Variants in COLGALT1 observed in about 807,000 individuals in gnomAD.
COLGALT1 encodes procollagen galactosyltransferase 1.
A neutral mutation model predicts 60.8 loss-of-function variants in COLGALT1; 43 were observed. The ratio of observed to expected loss-of-function variants is 0.71; its 90% CI spans 0.55 to 0.91. COLGALT1 has a LOEUF of 0.91. COLGALT1 is among the 40% of genes least tolerant of loss of function. The pLI is 0.00. For synonymous variants in COLGALT1, 369 were observed against 374.2 expected (o/e 0.99, Z 0.16); for missense variants, 845 against 880.0 (o/e 0.96, Z 0.50).
intron 10 of COLGALT1, 117 bp downstream of exon 10, chr19:17,579,726 G>A (rs532297516): frequency 1.1e-5 from 15 of 1,339,752 alleles, no homozygotes; most frequent in Non-Finnish European, 1.4e-5. Context: ...GCTTAGAGGC[G>A]GGGCTTGAAG....
Position 17,555,873 on chromosome 19 carries a change from G to A in COLGALT1, c.160G>A (p.Val54Met), listed in dbSNP as rs906929621. 2.9e-6 allele frequency: 4 copies of A among 1,380,176 alleles called. No homozygotes were observed. The highest frequency in any genetic ancestry group is 2.8e-6 in the Non-Finnish European group (3 of 1,063,046). The allele number at this position is 1,380,176 out of a possible 1,614,324, so 85.5% of individuals were successfully genotyped here. Residue 54 changes from valine (V) to methionine (M), a missense_variant, in exon 1 of 12, where the codon GTG becomes ATG. Coordinates refer to ENST00000252599, the MANE Select transcript of COLGALT1 (RefSeq NM_024656.4). Reference protein sequence around the residue: ...SPESPLQAPRVLIALLARNAA... With the variant: ...SPESPLQAPRMLIALLARNAA... ...GGAGTCGCCCCTGCAGGCGCCGCGC[G>A]TGCTCATCGCGCTGTTGGCGCGAAA...
At chr19:17,568,745 G>A (rs2144829652) in intron 5 of COLGALT1, 32 bp downstream of exon 5, 2 of 1,608,232 alleles carry the variant, frequency 1.2e-6, no homozygotes, top group Non-Finnish European at 8.5e-7. Context: ...CATCGCAGGG[G>A]CATCTGCCTG....
chr19:17,576,027 T>A (rs528479449), intron 6 of COLGALT1, among the ~76,000 whole-genome samples: 150 of 152,296 alleles, frequency 9.8e-4, no homozygotes, highest in Non-Finnish European at 1.6e-3. Flanking sequence ...GCCCATTTTA[T>A]AGATGAGGAA....
chr19:17,559,205 T>C (rs1445889738), intron 1 of COLGALT1, 106 bp from the exon 2 acceptor site: 3 of 747,026 alleles, frequency 4.0e-6, no homozygotes, highest in East Asian at 2.7e-5. Context: ...CAGGGATACA[T>C]AGCTGGTGGG....
chr19:17,565,270 G>A (rs1326539881), intron 3 of COLGALT1, among the ~76,000 whole-genome samples: 5 of 151,732 alleles, frequency 3.3e-5, no homozygotes, highest in African/African-American at 7.3e-5. Flanking sequence ...ATTCTCCTGC[G>A]TTAGTCTCCC....
intron 1 of COLGALT1, among the ~76,000 whole-genome samples, chr19:17,558,230 T>A (rs1052665346): frequency 3.6e-4 from 54 of 150,622 alleles, no homozygotes; most frequent in Non-Finnish European, 6.1e-4. Context: ...TGAGCCACCA[T>A]GCCCGGCCTA....
intron 3 of COLGALT1, among the ~76,000 whole-genome samples, chr19:17,566,675 C>T (rs1208400188): frequency 2.0e-5 from 3 of 151,942 alleles, no homozygotes; most frequent in African/African-American, 4.8e-5. Context: ...TGTGCCTGTA[C>T]GCTCAGCTAC....
intron 6 of COLGALT1, 48 bp from the exon 7 acceptor site, chr19:17,577,147 G>T: frequency 3.2e-6 from 5 of 1,584,134 alleles, no homozygotes; most frequent in Non-Finnish European, 4.3e-6. Flanking sequence ...TTGGAGAGAG[G>T]CTGGAGGCTC....
chr19:17,576,975 A>T, intron 6 of COLGALT1: 2 of 545,216 alleles, frequency 3.7e-6, no homozygotes, highest in Non-Finnish European at 3.2e-6. Context: ...GGGCGGGGTG[A>T]AGCTGGGGCC....
In COLGALT1 at chr19:17,578,241, G is replaced by C. The variant is rs760999295; in HGVS notation, c.1266+152G>C. ...ATGGCCTCTCTTTAGTGAATGATGC[G>C]CCACACCAGCTGTATCACCCCCAGG... On this transcript the variant is annotated intron_variant, in intron 9 of 11. Transcript: ENST00000252599. The C allele has an allele frequency of 5.3e-6, 4 of 757,606 alleles. No homozygotes were observed. In the African/African-American group the frequency reaches 7.2e-5, roughly 14 times the overall value. 46.9% of individuals were successfully genotyped at this position (757,606 alleles called of 1,614,324 possible). A position where few individuals can be genotyped will look rare whatever the true frequency, so the allele number is the denominator to read the frequency against.
chr19:17,571,099 C>A lies in COLGALT1; in HGVS notation c.830-1384C>A, dbSNP rs191800710. Among the ~76,000 whole-genome samples, 263 of 152,158 alleles carry A rather than the reference C, an allele frequency of 1.7e-3. 1 individual carries two copies. Among genetic ancestry groups the A allele is most frequent in the African/African-American group, 6.1e-3 (255 of 41,532 alleles). ...AAGCCTAAAATACTTACCACCTGGC[C>A]CTTTATAGAAGAAATTGACCAATTA... On this transcript the variant is annotated intron_variant, in intron 5 of 11. Transcript: ENST00000252599.
Position 17,580,996 on chromosome 19 carries a change from T to A in COLGALT1, c.1601+91T>A, listed in dbSNP as rs573495169. ...GTGAGACTCACGGCCTCCGAGAAGA[T>A]GTCTCTTCTTTTGCCTACTTCTCCC... On this transcript the variant is annotated intron_variant, in intron 11 of 11. Transcript: ENST00000252599. 8.0e-6 allele frequency: 12 copies of A among 1,492,766 alleles called. No individual in the cohort carries two copies. The East Asian group carries it at 2.7e-4, about 34-fold the overall frequency. 92.5% of individuals were successfully genotyped at this position (1,492,766 alleles called of 1,614,324 possible).
intron 6 of COLGALT1, among the ~76,000 whole-genome samples, chr19:17,574,332 CT>C (rs767455561): frequency 3.0e-3 from 425 of 141,196 alleles, no homozygotes; most frequent in Non-Finnish European, 3.1e-3. Context: ...TTTGGGGAGA[CT>C]TTTTTTTTTT....
chr19:17,560,276 G>A (rs1338562844), intron 2 of COLGALT1, 72 bp from the exon 3 acceptor site: 28 of 1,241,530 alleles, frequency 2.3e-5, no homozygotes, highest in South Asian at 1.6e-4. Context: ...TGAGTACCCC[G>A]AAGGCAGCTC....
Position 17,581,928 on chromosome 19 carries a change from T to G in COLGALT1, c.*484T>G, listed in dbSNP as rs74889990. 10 of 162,920 alleles carry G rather than the reference T, an allele frequency of 6.1e-5. No individual in the cohort carries two copies. Among genetic ancestry groups the G allele is most frequent in the African/African-American group, 2.4e-4 (10 of 41,176 alleles). The allele number at this position is 162,920 out of a possible 1,614,324, so 10.1% of individuals were successfully genotyped here. A position where few individuals can be genotyped will look rare whatever the true frequency, so the allele number is the denominator to read the frequency against. ...TCTGGGATTTTTTTTTTTTTTTTTT[T>G]AAGAGTAGAGTCTGTCTCTGTCACC... On this transcript the variant is annotated 3_prime_UTR_variant, in exon 12 of 12. Coordinates refer to ENST00000252599, the MANE Select transcript of COLGALT1 (RefSeq NM_024656.4).
At chr19:17,580,478 C>T (rs954942950) in intron 10 of COLGALT1, 31 of 589,404 alleles carry the variant, frequency 5.3e-5, no homozygotes, top group African/African-American at 4.3e-4. Flanking sequence ...GCTCCAGATC[C>T]TCCATGGCTC....
chr19:17,569,099 C>T (rs1352709726), intron 5 of COLGALT1, among the ~76,000 whole-genome samples: 2 of 152,056 alleles, frequency 1.3e-5, no homozygotes, highest in East Asian at 3.9e-4. Context: ...CGTGGTGGTG[C>T]TACTGGGGAG....
intron 3 of COLGALT1, 125 bp from the exon 4 acceptor site, chr19:17,567,281 T>C: frequency 7.9e-7 from 1 of 1,270,978 alleles, no homozygotes; most frequent in Non-Finnish European, 1.1e-6. Flanking sequence ...CTTCATTTCA[T>C]CCGGTGTAGG....
At chr19:17,567,297 C>T in intron 3 of COLGALT1, 109 bp from the exon 4 acceptor site, 8 of 1,443,924 alleles carry the variant, frequency 5.5e-6, no homozygotes, top group Non-Finnish European at 6.6e-6. Flanking sequence ...GTAGGGGGTG[C>T]TTCCAGAGGT....
Sources: gnomAD v4.1 joint callset for allele counts (sites outside exome capture counted in the v4.1 genomes callset) on GRCh38, gnomAD v4.1.1 for gene constraint, MANE v1.5 for transcripts, NCBI Gene and HGNC (gene_info 2026-07-23, HGNC 2026-07-21) for gene names.